Variants in CNTNAP1 observed in about 807,000 individuals in gnomAD.
The protein encoded by CNTNAP1 is contactin-associated protein 1.
A neutral mutation model predicts 161.5 loss-of-function variants in CNTNAP1; 80 were observed. The observed-to-expected ratio is 0.50, with a 90% CI of 0.41 to 0.60. The LOEUF is 0.60. CNTNAP1 is among the 20% of genes least tolerant of loss of function. CNTNAP1 has a pLI of 0.00. For missense variants in CNTNAP1, 1,464 were observed against 1,854.8 expected (o/e 0.79, Z 3.87); for synonymous variants, 695 against 733.1 (o/e 0.95, Z 0.84).
chr17:42,686,469 GTTT>G (rs748366958), intron 6 of CNTNAP1, among the ~76,000 whole-genome samples: 8 of 71,362 alleles, frequency 1.1e-4, no homozygotes, highest in South Asian at 6.0e-4. Flanking sequence ...AAAAAGGCCT[GTTT>G]TTTTTTTTTT....
At position 42,688,468 on chromosome 17, in the gene CNTNAP1, G is replaced by A. The variant is rs746268826; in HGVS notation, c.1313G>A (p.Arg438Gln). 64 of 1,614,080 alleles carry A rather than the reference G, an allele frequency of 4.0e-5. No homozygotes were observed. Among genetic ancestry groups the A allele is most frequent in the African/African-American group, 9.3e-5 (7 of 74,920 alleles). Residue 438 changes from arginine (R) to glutamine (Q), a missense_variant, in exon 9 of 24, where the codon CGA becomes CAA. Arg to Gln is a conservative substitution (Grantham distance 43). Transcript: ENST00000264638. ...ATCATCCATTCTTGTCCAGGGTACC[G>A]ACTGAATGACGGCTTTTGGCACGAG... ...RKKLQFAAGY[R>Q]LNDGFWHEVN...
chr17:42,689,545 T>A lies in CNTNAP1; in HGVS notation c.1653T>A (p.His551Gln). 1 of 1,613,704 alleles carries A rather than the reference T, an allele frequency of 6.2e-7. No homozygotes were observed. Among genetic ancestry groups the A allele is most frequent in the Non-Finnish European group, 8.5e-7 (1 of 1,179,772 alleles). Residue 551 changes from histidine (H) to glutamine (Q), a missense_variant, in exon 11 of 24, where the codon CAT becomes CAA. His to Gln is a conservative substitution (Grantham distance 24). Around this residue, in one of 3 missense-constraint regions of CNTNAP1, gnomAD observed 1,383 missense variants for 1,765.0 expected, o/e 0.78. Coordinates refer to ENST00000264638, the MANE Select transcript of CNTNAP1 (RefSeq NM_003632.3). ...GGTGCAGCCCTAACATGTGTGAGCA[T>A]GATGGACGCTGCTACCAGTCTTGGG... ...TDRCSPNMCE[H>Q]DGRCYQSWDD...
intron 6 of CNTNAP1, 62 bp from the exon 7 acceptor site, chr17:42,686,841 C>A (rs549516000): frequency 2.0e-6 from 3 of 1,520,782 alleles, no homozygotes; most frequent in Non-Finnish European, 2.7e-6. Flanking sequence ...ACGGCGGGGA[C>A]GCGCGAGAAA....
rs756463317 is a variant in CNTNAP1, at chr17:42,684,966, T to C, written c.364-25T>C. ...AAAAGAAGCAGAGGGCAGGACGTGG[T>C]TACTACTCTCCTCCACCCCCGCAGA... On this transcript the variant is annotated intron_variant, in intron 3 of 23. Coordinates refer to ENST00000264638, the MANE Select transcript of CNTNAP1 (RefSeq NM_003632.3). The C allele has an allele frequency of 2.5e-6, 4 of 1,606,524 alleles. No homozygotes were observed. In the East Asian group the frequency reaches 6.7e-5, roughly 27 times the overall value.
Position 42,690,894 on chromosome 17 carries a change from C to G in CNTNAP1, c.2011C>G (p.Gln671Glu). ...TGCCAATGCTTCCCAGCATTGTGAACAGTGGATCGAGTTCTCCTGCTACAA... is the reference window on the plus strand; with the variant it reads ...TGCCAATGCTTCCCAGCATTGTGAAGAGTGGATCGAGTTCTCCTGCTACAA... ...ALANASQHCE[Q>E]WIEFSCYNSR... The change falls in exon 13 of 24, where the codon CAG becomes GAG. Residue 671 changes from glutamine (Q) to glutamate (E), a missense_variant. By Grantham distance (29) the Gln-to-Glu change is conservative. This residue lies in a region of CNTNAP1 where 1,383 missense variants were observed against 1,765.0 expected (regional missense o/e 0.78). Coordinates refer to ENST00000264638, the MANE Select transcript of CNTNAP1 (RefSeq NM_003632.3). The G allele has an allele frequency of 6.2e-7, 1 of 1,614,226 alleles. No homozygotes were observed. The highest frequency in any genetic ancestry group is 8.5e-7 in the Non-Finnish European group (1 of 1,180,042).
intron 8 of CNTNAP1, 111 bp from the exon 9 acceptor site, chr17:42,688,351 G>A: frequency 7.1e-7 from 1 of 1,404,378 alleles, no homozygotes; most frequent in Admixed American, 1.7e-5. Flanking sequence ...AATCACGGGG[G>A]CACACAGGCT....
Position 42,682,724 on chromosome 17 carries a change from G to A in CNTNAP1, c.-106G>A. 1.8e-6 allele frequency: 2 copies of A among 1,122,090 alleles called. No homozygotes were observed. The highest frequency in any genetic ancestry group is 2.6e-6 in the Non-Finnish European group (2 of 769,866). The allele number at this position is 1,122,090 out of a possible 1,614,324, so 69.5% of individuals were successfully genotyped here. ...GGGAAGGGTGGGTAAGGAGGAGAGA[G>A]CGGTCTGCTGCAAACCCCAGGAGGA... On this transcript the variant is annotated 5_prime_UTR_variant, in exon 1 of 24. Coordinates refer to ENST00000264638, the MANE Select transcript of CNTNAP1 (RefSeq NM_003632.3).
chr17:42,691,241 A>C lies in CNTNAP1; in HGVS notation c.2164A>C (p.Ser722Arg), dbSNP rs1171468770. The C allele has an allele frequency of 6.2e-7, 1 of 1,614,000 alleles. No individual in the cohort carries two copies. The highest frequency in any genetic ancestry group is 8.5e-7 in the Non-Finnish European group (1 of 1,180,022). Residue 722 changes from serine to arginine, a missense_variant, in exon 14 of 24, where the codon AGC (serine) becomes CGC (arginine). Ser to Arg is a moderately radical substitution (Grantham distance 110). Around this residue, in one of 3 missense-constraint regions of CNTNAP1, gnomAD observed 1,383 missense variants for 1,765.0 expected, o/e 0.78. Coordinates refer to ENST00000264638, the MANE Select transcript of CNTNAP1 (RefSeq NM_003632.3). The surrounding 1 kb of genome is among the most constrained non-coding windows in gnomAD (Gnocchi z 4.3). ...IQRCACGLDRSCVDPALYCNC... is the reference protein window; with the variant it reads ...IQRCACGLDRRCVDPALYCNC... ...GCGCTGTGCCTGTGGTCTGGACCGGAGCTGTGTGGACCCTGCCTTGTACTG... is the reference window on the plus strand; with the variant it reads ...GCGCTGTGCCTGTGGTCTGGACCGGCGCTGTGTGGACCCTGCCTTGTACTG...
At position 42,690,820 on chromosome 17, in the gene CNTNAP1, T is replaced by A. The variant is rs968142464; in HGVS notation, c.1937T>A (p.Leu646Gln). 27 of 1,614,212 alleles carry A rather than the reference T, an allele frequency of 1.7e-5. No homozygotes were observed. The highest frequency in any genetic ancestry group is 2.2e-5 in the Non-Finnish European group (26 of 1,180,022). The change falls in exon 13 of 24, where the codon CTG (leucine) becomes CAG (glutamine). Residue 646 changes from leucine to glutamine, a missense_variant. Physicochemically the swap from Leu to Gln is moderately radical, Grantham distance 113 (BLOSUM62 -2). This residue lies in a region of CNTNAP1 where 1,383 missense variants were observed against 1,765.0 expected (regional missense o/e 0.78). Transcript: ENST00000264638. ...GGTTCCAGCATGGAGCGGCCATTCC[T>A]GGGGGCTATCCAGTACTGGAATGCA... is the stretch of plus-strand genomic sequence containing the variant. ...VTGSSMERPFLGAIQYWNASW... is the reference protein window; with the variant it reads ...VTGSSMERPFQGAIQYWNASW...
chr17:42,698,974 T>C lies in CNTNAP1; in HGVS notation c.*64T>C. 7.0e-7 allele frequency: 1 copy of C among 1,419,798 alleles called. No individual in the cohort carries two copies. The highest frequency in any genetic ancestry group is 9.3e-7 in the Non-Finnish European group (1 of 1,070,888). 88.0% of individuals were successfully genotyped at this position (1,419,798 alleles called of 1,614,324 possible). ...TTCCCCCAGTCCTGCCTCTCCCCCA[T>C]CCTATCAGGGACATTTGGCTCCTCT... On this transcript the variant is annotated 3_prime_UTR_variant, in exon 24 of 24. Coordinates refer to ENST00000264638, the MANE Select transcript of CNTNAP1 (RefSeq NM_003632.3).
chr17:42,684,584 C>T (rs961721309), intron 3 of CNTNAP1, among the ~76,000 whole-genome samples: 1 of 151,952 alleles, frequency 6.6e-6, no homozygotes, highest in Non-Finnish European at 1.5e-5. Context: ...TTCCAGAAGT[C>T]GAGATTGGCT....
At position 42,693,195 on chromosome 17, in the gene CNTNAP1, G is replaced by A. The variant is rs527537361; in HGVS notation, c.2753-102G>A. On this transcript the variant is annotated intron_variant, in intron 17 of 23. Transcript: ENST00000264638. ...AGGATGGTCTCGATCTCCTGAGCTCGTGATTCGCCCGCCTCGGCCTCCCAA... is the reference window on the plus strand; with the variant it reads ...AGGATGGTCTCGATCTCCTGAGCTCATGATTCGCCCGCCTCGGCCTCCCAA... 89 of 1,368,182 alleles carry A rather than the reference G, an allele frequency of 6.5e-5. 1 individual carries two copies. Among genetic ancestry groups the A allele is most frequent in the South Asian group, 5.3e-4 (42 of 78,618 alleles). The allele number at this position is 1,368,182 out of a possible 1,614,324, so 84.8% of individuals were successfully genotyped here. A position where few individuals can be genotyped will look rare whatever the true frequency, so the allele number is the denominator to read the frequency against.
rs137947865 is a variant in CNTNAP1, at chr17:42,698,647, G to A, written c.3892G>A (p.Val1298Met). ...GGTGGCCTTTCTGCTGCTGGGGCTG[G>A]TGGGAATGTTGGTGCTCTTCTATCT... ...FLVAFLLLGL[V>M]GMLVLFYLQN... Residue 1298 changes from valine to methionine, a missense_variant, in exon 24 of 24, where the codon GTG becomes ATG. Physicochemically the swap from Val to Met is conservative, Grantham distance 21. Around this residue, in one of 3 missense-constraint regions of CNTNAP1, gnomAD observed 1,383 missense variants for 1,765.0 expected, o/e 0.78. Transcript: ENST00000264638. 12 of 1,601,504 alleles carry A rather than the reference G, an allele frequency of 7.5e-6. No individual in the cohort carries two copies. The highest frequency in any genetic ancestry group is 1.0e-5 in the Non-Finnish European group (12 of 1,170,630).
At chr17:42,693,664 T>A in intron 18 of CNTNAP1, 128 bp downstream of exon 18, 1 of 1,397,376 alleles carries the variant, frequency 7.2e-7, no homozygotes, top group Non-Finnish European at 9.8e-7. Context: ...ATTCCTGAGC[T>A]CTGAGTTTGG....
At chr17:42,698,198 G>C (rs992507267) in intron 23 of CNTNAP1, among the ~76,000 whole-genome samples, 1 of 152,190 alleles carries the variant, frequency 6.6e-6, no homozygotes, top group African/African-American at 2.4e-5. Context: ...GATGTTTGAG[G>C]ATGCTACAGA....
intron 20 of CNTNAP1, among the ~76,000 whole-genome samples, chr17:42,696,374 A>G (rs1213636796): frequency 6.9e-6 from 1 of 144,872 alleles, no homozygotes; most frequent in Non-Finnish European, 1.5e-5. Context: ...CCCAGGCTGG[A>G]GTGCAATGGT....
Position 42,698,781 on chromosome 17 carries a change from C to T in CNTNAP1, c.4026C>T (p.Val1342=), listed in dbSNP as rs199866646. 305 of 1,612,054 alleles carry T rather than the reference C, an allele frequency of 1.9e-4. No homozygotes were observed. The highest frequency in any genetic ancestry group is 2.4e-4 in the Non-Finnish European group (279 of 1,179,840). Residue 1342 remains valine (V), a synonymous_variant, in exon 24 of 24, where the codon GTC becomes GTT. Coordinates refer to ENST00000264638, the MANE Select transcript of CNTNAP1 (RefSeq NM_003632.3). Reference sequence around the variant, plus strand: ...TACCCACTTCAGGCCCTGCCCAGGTCCCCACCCCTACAGCAGCTCCCAACC... The same window carrying T: ...TACCCACTTCAGGCCCTGCCCAGGTTCCCACCCCTACAGCAGCTCCCAACC... ...PPLPTSGPAQ[V]PTPTAAPNQA... is the part of the protein sequence containing the mutation.
chr17:42,693,471 A>G lies in CNTNAP1; in HGVS notation c.2927A>G (p.Glu976Gly). 6.2e-7 allele frequency: 1 copy of G among 1,614,192 alleles called. No individual in the cohort carries two copies. The highest frequency in any genetic ancestry group is 8.5e-7 in the Non-Finnish European group (1 of 1,180,040). Residue 976 changes from glutamate (E) to glycine (G), a missense_variant, in exon 18 of 24, where the codon GAG (glutamate) becomes GGG (glycine). Glu to Gly is a moderately conservative substitution (Grantham distance 98). This residue lies in a region of CNTNAP1 where 1,383 missense variants were observed against 1,765.0 expected (regional missense o/e 0.78). Coordinates refer to ENST00000264638, the MANE Select transcript of CNTNAP1 (RefSeq NM_003632.3). Reference protein sequence around the residue: ...LPCFHGGRCVERYSYYTCDCD... With the variant: ...LPCFHGGRCVGRYSYYTCDCD... ...TGTTTCCATGGAGGCCGCTGCGTGG[A>G]GCGCTATAGCTACTACACGTGTGAC...
rs530019096 is a variant in CNTNAP1 at position 42,695,542 on chromosome 17, C to T, written c.3014C>T (p.Pro1005Leu). Residue 1005 changes from proline (P) to leucine (L), a missense_variant, in exon 19 of 24, where the codon CCG (proline) becomes CTG (leucine). Pro to Leu is a moderately conservative substitution (Grantham distance 98). Transcript: ENST00000264638. The part of the protein sequence containing the change: ...CNHDIGGFFE[P>L]GTWMRYNLQS... ...GCAGATATTGGTGGTTTCTTTGAGCCGGGCACCTGGATGCGCTATAACCTA... is the reference window on the plus strand; with the variant it reads ...GCAGATATTGGTGGTTTCTTTGAGCTGGGCACCTGGATGCGCTATAACCTA... 10 of 1,603,896 alleles carry T rather than the reference C, an allele frequency of 6.2e-6. No homozygotes were observed. The highest frequency in any genetic ancestry group is 2.7e-5 in the African/African-American group (2 of 73,804).
Sources: gnomAD v4.1 joint callset for allele counts (sites outside exome capture counted in the v4.1 genomes callset) on GRCh38, gnomAD v4.1.1 for gene constraint, gnomAD v4.1.1 regional missense constraint, Gnocchi (gnomAD v3.1) non-coding constraint, MANE v1.5 for transcripts, NCBI Gene and HGNC (gene_info 2026-07-23, HGNC 2026-07-21) for gene names.